CIITA: variants seen among roughly 807,000 people sequenced by gnomAD.
CIITA encodes MHC class II transactivator.
CIITA carries 72 observed loss-of-function variants against 115.1 expected under a neutral mutation model. The ratio of observed to expected loss-of-function variants is 0.63; its 90% CI spans 0.52 to 0.76. The LOEUF (loss-of-function observed/expected upper bound fraction) is 0.76, where lower values mean the gene tolerates loss of function less well. Among genes scored for constraint, CIITA ranks in the 30% least tolerant of loss-of-function variants. CIITA has a pLI of 0.00. For synonymous variants in CIITA, 763 were observed against 635.6 expected (o/e 1.20, Z -3.02); for missense variants, 1,617 against 1,463.8 (o/e 1.10, Z -1.71).
rs775728920 is a variant in CIITA at position 10,910,180 on chromosome 16, C to G, written c.2817-8C>G. The G allele has an allele frequency of 8.1e-6, 13 of 1,613,574 alleles. No homozygotes were observed. Among genetic ancestry groups the G allele is most frequent in the Middle Eastern group, 1.7e-4 (1 of 6,054 alleles). The stretch of plus-strand genomic sequence containing the variant: ...CCTGCTCCCCCTAACATTGCCTGTT[C>G]TCTCCAGGACGAGAAGTTCCTCGGA... On this transcript the variant is annotated splice_region_variant and splice_polypyrimidine_tract_variant and intron_variant, in intron 12 of 19. Transcript: ENST00000324288.
intron 10 of CIITA, 93 bp downstream of exon 10, chr16:10,904,905 C>A: frequency 7.7e-7 from 1 of 1,305,274 alleles, no homozygotes; most frequent in Non-Finnish European, 1.1e-6. Flanking sequence ...TTATTCAACC[C>A]CTTCTTTGTT....
chr16:10,907,060 G>A lies in CIITA; in HGVS notation c.1568G>A (p.Cys523Tyr), dbSNP rs200881105. 1.2e-6 allele frequency: 2 copies of A among 1,607,302 alleles called. No individual in the cohort carries two copies. The highest frequency in any genetic ancestry group is 2.2e-5 in the East Asian group (1 of 44,868). The change falls in exon 11 of 20, where the codon TGC becomes TAC. Residue 523 changes from cysteine (C) to tyrosine (Y), a missense_variant. By Grantham distance (194) the Cys-to-Tyr change is radical. Coordinates refer to ENST00000324288, the MANE Select transcript of CIITA (RefSeq NM_000246.4). This position sits in a 1 kb window ranked among gnomAD's most constrained non-coding sequence, Gnocchi z 5.0. ...TGCGGACCGGCACCGGCGGAGCCCT[G>A]CTCCCTCCGGGGGCTGCTGGCCGGC... ...STCGPAPAEP[C>Y]SLRGLLAGLF...
At position 10,907,042 on chromosome 16, in the gene CIITA, C is replaced by G. The variant is rs765687423; in HGVS notation, c.1550C>G (p.Pro517Arg). The change falls in exon 11 of 20, where the codon CCG becomes CGG. Residue 517 changes from proline (P) to arginine (R), a missense_variant. Coordinates refer to ENST00000324288, the MANE Select transcript of CIITA (RefSeq NM_000246.4). This position sits in a 1 kb window ranked among gnomAD's most constrained non-coding sequence, Gnocchi z 5.0. Reference protein sequence around the residue: ...QDGFLHSTCGPAPAEPCSLRG... With the variant: ...QDGFLHSTCGRAPAEPCSLRG... ...GGCTTCCTGCACAGCACGTGCGGAC[C>G]GGCACCGGCGGAGCCCTGCTCCCTC... 6.2e-7 allele frequency: 1 copy of G among 1,607,120 alleles called. No individual in the cohort carries two copies. The highest frequency in any genetic ancestry group is 1.7e-5 in the Admixed American group (1 of 60,004).
chr16:10,879,598 G>A lies in CIITA; in HGVS notation c.52+2216G>A, dbSNP rs956875221. On this transcript the variant is annotated intron_variant, in intron 1 of 19. Coordinates refer to ENST00000324288, the MANE Select transcript of CIITA (RefSeq NM_000246.4). This position sits in a 1 kb window ranked among gnomAD's most constrained non-coding sequence, Gnocchi z 4.3. ...AGGATGGGATAAGTCCTCAACTCTCGTTGAACATCTTGGCGAAGGTGTGTG... is the reference window on the plus strand; with the variant it reads ...AGGATGGGATAAGTCCTCAACTCTCATTGAACATCTTGGCGAAGGTGTGTG... Among the ~76,000 whole-genome samples the A allele has an allele frequency of 6.8e-6, 1 of 147,380 alleles. No individual in the cohort carries two copies. Among genetic ancestry groups the A allele is most frequent in the Non-Finnish European group, 1.5e-5 (1 of 66,736 alleles).
At chr16:10,871,744 G>T (rs10445003) in intron 1 of CIITA, among the ~76,000 whole-genome samples, 33,089 of 151,912 alleles carry the variant, frequency 0.22, 4,283 homozygotes, top group East Asian at 0.57. Flanking sequence ...TCTGATTTTG[G>T]GAGTCTCCTT....
In CIITA at chr16:10,924,867, C is replaced by T. The variant is rs2040467279; in HGVS notation, c.*1012C>T. The T allele has an allele frequency of 6.6e-6, 1 of 152,258 alleles. No homozygotes were observed. Among genetic ancestry groups the T allele is most frequent in the East Asian group, 1.9e-4 (1 of 5,202 alleles). The allele number at this position is 152,258 out of a possible 1,614,324, so 9.4% of individuals were successfully genotyped here. A position where few individuals can be genotyped will look rare whatever the true frequency, so the allele number is the denominator to read the frequency against. On this transcript the variant is annotated 3_prime_UTR_variant, in exon 20 of 20. Transcript: ENST00000324288. Reference sequence around the variant, plus strand: ...ATAAATGTCTCTTTAATGTCACAGGCAGGTCCAGGGTTTGAGTTCATACCC... The same window carrying T: ...ATAAATGTCTCTTTAATGTCACAGGTAGGTCCAGGGTTTGAGTTCATACCC...
Position 10,907,733 on chromosome 16 carries a change from T to C in CIITA, c.2241T>C (p.Tyr747=). ...LALTPRKKRP[Y]DNWLEGVPRF... ...TGACCCCAAGGAAGAAGAGGCCCTA[T>C]GACAACTGGCTGGAGGGCGTGCCAC... The change falls in exon 11 of 20, where the codon TAT becomes TAC. Residue 747 remains tyrosine (Y), a synonymous_variant. Transcript: ENST00000324288. This position sits in a 1 kb window ranked among gnomAD's most constrained non-coding sequence, Gnocchi z 5.0. The C allele has an allele frequency of 6.2e-7, 1 of 1,614,230 alleles. No homozygotes were observed.
Position 10,915,525 on chromosome 16 carries a change from C to T in CIITA, c.2889-45C>T, listed in dbSNP as rs575081095. 80 of 1,469,632 alleles carry T rather than the reference C, an allele frequency of 5.4e-5. No individual in the cohort carries two copies. The South Asian group carries it at 8.3e-4, about 15-fold the overall frequency. 91.0% of individuals were successfully genotyped at this position (1,469,632 alleles called of 1,614,324 possible). ...CCCCACCCTGGGGCTGAATGAGGGG[C>T]TGTGACTGTGACTGGAGGTCTTACC... On this transcript the variant is annotated intron_variant, in intron 13 of 19. Coordinates refer to ENST00000324288, the MANE Select transcript of CIITA (RefSeq NM_000246.4).
chr16:10,870,607 G>A (rs2035416767), intron 1 of CIITA, among the ~76,000 whole-genome samples: 2 of 152,246 alleles, frequency 1.3e-5, no homozygotes, highest in South Asian at 4.1e-4. Flanking sequence ...GAACCAGGCT[G>A]GAGGCTGGAC....
At chr16:10,910,036 G>A (rs2039450737) in intron 12 of CIITA, 152 bp from the exon 13 acceptor site, 1 of 640,418 alleles carries the variant, frequency 1.6e-6, no homozygotes, top group African/African-American at 2.0e-5. Context: ...CACCCAGACA[G>A]ATCTTTTTTT....
At chr16:10,869,069 T>C (rs73499447) in intron 1 of CIITA, among the ~76,000 whole-genome samples, 11,556 of 152,108 alleles carry the variant, frequency 0.076, 1,366 homozygotes, top group African/African-American at 0.25. Flanking sequence ...TTGATGGGGG[T>C]TCGGAAAAGG....
chr16:10,910,514 G>A (rs1191045720), intron 13 of CIITA, among the ~76,000 whole-genome samples: 1 of 152,200 alleles, frequency 6.6e-6, no homozygotes, highest in African/African-American at 2.4e-5. Flanking sequence ...GAGGTATTGA[G>A]CACTTGAATG....
At position 10,909,076 on chromosome 16, in the gene CIITA, A is replaced by G. The variant is rs751844925; in HGVS notation, c.2705A>G (p.His902Arg). The stretch of plus-strand genomic sequence containing the variant: ...GCGCTGTGGGAGTCCCTGCAGCAGC[A>G]TGGGGAGACCAAGCTACTTCAGGCA... ...TVALWESLQQ[H>R]GETKLLQAAE... The change falls in exon 12 of 20, where the codon CAT becomes CGT. Residue 902 changes from histidine (H) to arginine (R), a missense_variant. His to Arg is a conservative substitution (Grantham distance 29). Coordinates refer to ENST00000324288, the MANE Select transcript of CIITA (RefSeq NM_000246.4). The G allele has an allele frequency of 3.7e-6, 6 of 1,614,128 alleles. No individual in the cohort carries two copies. The highest frequency in any genetic ancestry group is 1.1e-5 in the South Asian group (1 of 91,088).
At position 10,897,107 on chromosome 16, in the gene CIITA, G is replaced by A. The variant is rs75021878; in HGVS notation, c.295+1343G>A. 2.0e-3 allele frequency among the ~76,000 whole-genome samples: 312 copies of A among 152,268 alleles called. 4 individuals carry two copies. The highest frequency in any genetic ancestry group is 0.017 in the East Asian group (87 of 5,186). On this transcript the variant is annotated intron_variant, in intron 3 of 19. Transcript: ENST00000324288. ...TCTAAGCAAATAGGTGAGGCAGTGC[G>A]TTAGTCCATTTTTTGTTGCTTAAAA...
In CIITA at chr16:10,925,396, C is replaced by T. The variant is rs1271407007; in HGVS notation, c.*1541C>T. On this transcript the variant is annotated 3_prime_UTR_variant, in exon 20 of 20. Transcript: ENST00000324288. ...GATCACGGCTCACTGCAGCCTCAAC[C>T]TCCTGGGCTAAGTGATCCTCCCACC... The T allele has an allele frequency of 6.6e-6, 1 of 152,360 alleles. No individual in the cohort carries two copies. Among genetic ancestry groups the T allele is most frequent in the Non-Finnish European group, 1.5e-5 (1 of 68,142 alleles). The allele number at this position is 152,360 out of a possible 1,614,324, so 9.4% of individuals were successfully genotyped here.
chr16:10,942,741 C>G lies in CIITA; in HGVS notation n.1867C>G, dbSNP rs2041131234. ...AGACATAATGCTAAGGCCGCAAAAG[C>G]CGAAGGAAACCCGGGCTACCGCTGC... On this transcript the variant is annotated non_coding_transcript_exon_variant, in exon 2 of 2. Transcript: ENST00000573379. This position sits in a 1 kb window ranked among gnomAD's most constrained non-coding sequence, Gnocchi z 5.0. 1 of 152,292 alleles carries G rather than the reference C, an allele frequency of 6.6e-6. No individual in the cohort carries two copies. The highest frequency in any genetic ancestry group is 2.4e-5 in the African/African-American group (1 of 41,474). The allele number at this position is 152,292 out of a possible 1,614,324, so 9.4% of individuals were successfully genotyped here. A position where few individuals can be genotyped will look rare whatever the true frequency, so the allele number is the denominator to read the frequency against.
chr16:10,904,681 A>T (rs1299403336), intron 9 of CIITA, 63 bp from the exon 10 acceptor site: 5 of 1,584,930 alleles, frequency 3.2e-6, no homozygotes, highest in Non-Finnish European at 4.3e-6. Flanking sequence ...AGTGGCCCAG[A>T]GGGAGGGGGG....
rs1408597445 is a variant in CIITA, at chr16:10,908,087, C to T, written c.2595C>T (p.Ser865=). ...AAGACTTCTCCCTGGACCTCCGCAG[C>T]ACTGGCATTTGCCCCTCTGGATTGG... ...AGQDFSLDLR[S]TGICPSGLGS... is the part of the protein sequence containing the mutation. The change falls in exon 11 of 20, where the codon AGC becomes AGT. Residue 865 remains serine (S), a synonymous_variant. Transcript: ENST00000324288. 1.2e-6 allele frequency: 2 copies of T among 1,607,946 alleles called. No individual in the cohort carries two copies.
At chr16:10,886,339 T>C (rs544200973) in intron 1 of CIITA, among the ~76,000 whole-genome samples, 1 of 152,210 alleles carries the variant, frequency 6.6e-6, no homozygotes. Context: ...TTGTTCTCTA[T>C]GGAGTGCAGG....
Sources: gnomAD v4.1 joint callset for allele counts (sites outside exome capture counted in the v4.1 genomes callset) on GRCh38, gnomAD v4.1.1 for gene constraint, Gnocchi (gnomAD v3.1) non-coding constraint, MANE v1.5 for transcripts, NCBI Gene and HGNC (gene_info 2026-07-23, HGNC 2026-07-21) for gene names.